The following ATP2B2 variants were observed in gnomAD, a reference collection of about 807,000 sequenced individuals.
ATP2B2 encodes plasma membrane calcium-transporting ATPase 2.
ATP2B2 carries 15 observed loss-of-function variants against 120.0 expected under a neutral mutation model. The observed-to-expected ratio is 0.12, with a 90% CI of 0.08 to 0.19. The LOEUF is 0.19. ATP2B2 is among the 10% of genes least tolerant of loss of function. The pLI is 1.00. For synonymous variants in ATP2B2, 694 were observed against 700.3 expected (o/e 0.99, Z 0.14); for missense variants, 1,045 against 1,719.8 (o/e 0.61, Z 6.94).
At chr3:10,560,060 G>T (rs981887911) in intron 2 of ATP2B2, among the ~76,000 whole-genome samples, 2 of 152,208 alleles carry the variant, frequency 1.3e-5, no homozygotes, top group Admixed American at 6.5e-5. Flanking sequence ...AACCTTAACA[G>T]TTGGCCCAGA....
intron 1 of ATP2B2, among the ~76,000 whole-genome samples, chr3:10,492,984 C>T (rs1299678023): frequency 5.3e-5 from 8 of 152,164 alleles, no homozygotes; most frequent in African/African-American, 1.9e-4. Context: ...TTATTCTTGC[C>T]TCCCCTGTAC....
At chr3:10,676,224 T>A (rs1362921948) in intron 1 of ATP2B2, among the ~76,000 whole-genome samples, 1 of 152,088 alleles carries the variant, frequency 6.6e-6, no homozygotes, top group Non-Finnish European at 1.5e-5. Flanking sequence ...AGGACCCCAG[T>A]CTCTGGAACT....
chr3:10,397,065 G>A (rs1440878563), intron 5 of ATP2B2, among the ~76,000 whole-genome samples: 9 of 152,212 alleles, frequency 5.9e-5, no homozygotes. Context: ...GCTCAGAGAA[G>A]TGAAGCCATG....
chr3:10,585,174 A>G (rs1239476851), intron 2 of ATP2B2, among the ~76,000 whole-genome samples: 1 of 152,092 alleles, frequency 6.6e-6, no homozygotes, highest in African/African-American at 2.4e-5. Context: ...CCTCTGATCA[A>G]ACTTCTCCAA....
chr3:10,436,252 C>T (rs1333618137), intron 2 of ATP2B2, among the ~76,000 whole-genome samples: 1 of 152,210 alleles, frequency 6.6e-6, no homozygotes, highest in Non-Finnish European at 1.5e-5. Context: ...TAAAAGGCAA[C>T]AAATACCCCA....
At chr3:10,370,086 C>T (rs1413903291) in intron 12 of ATP2B2, among the ~76,000 whole-genome samples, 3 of 152,222 alleles carry the variant, frequency 2.0e-5, no homozygotes, top group Admixed American at 1.3e-4. Context: ...GTCCTTTATG[C>T]CACCTGAAAA....
intron 2 of ATP2B2, among the ~76,000 whole-genome samples, chr3:10,429,974 A>G (rs534264991): frequency 1.4e-4 from 22 of 152,372 alleles, no homozygotes; most frequent in East Asian, 9.6e-4. Context: ...CTTCAATTCC[A>G]TGAAGGCTGA....
intron 2 of ATP2B2, among the ~76,000 whole-genome samples, chr3:10,553,668 C>G (rs1316462701): frequency 1.3e-5 from 2 of 152,218 alleles, no homozygotes; most frequent in African/African-American, 2.4e-5. Flanking sequence ...ACTCCCTGCC[C>G]CTCCATAGGC....
chr3:10,544,879 A>G (rs1173096202), intron 2 of ATP2B2, among the ~76,000 whole-genome samples: 1 of 152,152 alleles, frequency 6.6e-6, no homozygotes, highest in Non-Finnish European at 1.5e-5. Flanking sequence ...CCCCTTCCAG[A>G]ATTTGTTTTT....
intron 3 of ATP2B2, among the ~76,000 whole-genome samples, chr3:10,526,999 G>C (rs1340334838): frequency 6.6e-6 from 1 of 152,150 alleles, no homozygotes; most frequent in Non-Finnish European, 1.5e-5. Flanking sequence ...CCATTTCATG[G>C]GTTTTTAAAA....
At position 10,343,020 on chromosome 3, in the gene ATP2B2, T is replaced by C. The variant is rs2060325442; in HGVS notation, c.2704-55A>G. 1.3e-6 allele frequency: 2 copies of C among 1,580,146 alleles called. No homozygotes were observed. The highest frequency in any genetic ancestry group is 1.7e-6 in the Non-Finnish European group (2 of 1,152,268). On this transcript the variant is annotated intron_variant, in intron 18 of 22. Coordinates refer to ENST00000360273, the MANE Select transcript of ATP2B2 (RefSeq NM_001001331.4). This position sits in a 1 kb window ranked among gnomAD's most constrained non-coding sequence, Gnocchi z 4.2. ...TGTGCGCCCACCTGCTGCTGTGAAG[T>C]GCTGGGCGGGCTCATGGTGTAGTGT...
At chr3:10,423,278 C>A (rs1277059446) in intron 2 of ATP2B2, among the ~76,000 whole-genome samples, 1 of 152,200 alleles carries the variant, frequency 6.6e-6, no homozygotes, top group Admixed American at 6.5e-5. Flanking sequence ...CCCTCTCCTC[C>A]ACATCCGGTG....
intron 2 of ATP2B2, among the ~76,000 whole-genome samples, chr3:10,541,055 T>C (rs550770906): frequency 7.9e-5 from 12 of 152,300 alleles, no homozygotes; most frequent in African/African-American, 2.4e-4. Context: ...TGTGCAGAGT[T>C]GTTCATAGTA....
At chr3:10,560,523 G>A (rs2067879435) in intron 2 of ATP2B2, among the ~76,000 whole-genome samples, 1 of 152,116 alleles carries the variant, frequency 6.6e-6, no homozygotes, top group African/African-American at 2.4e-5. Flanking sequence ...TTCTCCCTCA[G>A]TCTTCCCCAT....
chr3:10,439,475 C>T (rs1286966405), intron 2 of ATP2B2, among the ~76,000 whole-genome samples: 1 of 152,136 alleles, frequency 6.6e-6, no homozygotes, highest in East Asian at 1.9e-4. Context: ...CGCCTAAGAC[C>T]CCTGGGCCAG....
chr3:10,328,586 C>T lies in ATP2B2; in HGVS notation c.*228G>A. On this transcript the variant is annotated 3_prime_UTR_variant, in exon 23 of 23. Transcript: ENST00000360273. ...TGGGAAAACCGCTCACTCCCGTAAG[C>T]CCCCAGTGGAGATCCCGCCCCTTGC... 1 of 572,138 alleles carries T rather than the reference C, an allele frequency of 1.7e-6. No individual in the cohort carries two copies. The highest frequency in any genetic ancestry group is 3.0e-6 in the Non-Finnish European group (1 of 328,166). The allele number at this position is 572,138 out of a possible 1,614,324, so 35.4% of individuals were successfully genotyped here. A position where few individuals can be genotyped will look rare whatever the true frequency, so the allele number is the denominator to read the frequency against.
At chr3:10,446,670 G>A (rs2063847019) in intron 2 of ATP2B2, among the ~76,000 whole-genome samples, 1 of 152,076 alleles carries the variant, frequency 6.6e-6, no homozygotes. Context: ...CCAGCCCCCT[G>A]GGAGATGCTT....
chr3:10,555,418 A>G (rs781758022), intron 2 of ATP2B2, among the ~76,000 whole-genome samples: 4 of 152,234 alleles, frequency 2.6e-5, no homozygotes, highest in African/African-American at 4.8e-5. Context: ...ACTCCTATGT[A>G]TCTGTCAAGG....
intron 3 of ATP2B2, among the ~76,000 whole-genome samples, chr3:10,403,352 G>A (rs1257857978): frequency 1.3e-5 from 2 of 152,218 alleles, no homozygotes; most frequent in Non-Finnish European, 2.9e-5. Flanking sequence ...TTGCACCACT[G>A]AGCCTCCCAG....
Sources: allele counts gnomAD v4.1 joint callset (sites outside exome capture counted in the v4.1 genomes callset), GRCh38; gene constraint gnomAD v4.1.1; non-coding constraint Gnocchi (gnomAD v3.1); transcripts MANE v1.5; gene names NCBI Gene and HGNC (gene_info 2026-07-23, HGNC 2026-07-21).